The following AGBL4 variants were observed in gnomAD, a reference collection of about 807,000 sequenced individuals.
AGBL4 encodes cytosolic carboxypeptidase 6.
Under a neutral mutation model 66.4 loss-of-function variants are expected in AGBL4, and 58 were observed. The ratio of observed to expected loss-of-function variants is 0.87; its 90% CI spans 0.71 to 1.09. The LOEUF is 1.09. AGBL4 is among the 50% of genes least tolerant of loss of function. AGBL4 has a pLI of 0.00. For synonymous variants in AGBL4, 234 were observed against 222.9 expected (o/e 1.05, Z -0.44); for missense variants, 579 against 631.0 (o/e 0.92, Z 0.88).
intron 2 of AGBL4, among the ~76,000 whole-genome samples, chr1:49,764,610 A>G (rs1652600893): frequency 6.6e-6 from 1 of 151,990 alleles, no homozygotes; most frequent in African/African-American, 2.4e-5. Flanking sequence ...ACCCTATTCC[A>G]ACTCTTCTAG....
intron 3 of AGBL4, among the ~76,000 whole-genome samples, chr1:49,659,009 A>G (rs1292718771): frequency 6.6e-6 from 1 of 152,086 alleles, no homozygotes. Flanking sequence ...AAAGTATAAT[A>G]AAAAAATAAA....
At chr1:49,999,115 C>G (rs1227535336) in intron 1 of AGBL4, among the ~76,000 whole-genome samples, 1 of 151,908 alleles carries the variant, frequency 6.6e-6, no homozygotes, top group East Asian at 1.9e-4. Flanking sequence ...GAAAGGACGT[C>G]CAAATCAGTA....
intron 3 of AGBL4, among the ~76,000 whole-genome samples, chr1:49,622,991 A>T (rs1378873183): frequency 6.6e-6 from 1 of 152,162 alleles, no homozygotes; most frequent in East Asian, 1.9e-4. Context: ...TTCAGGTCAA[A>T]TACAGATTCG....
chr1:49,049,071 G>A (rs1474263066), intron 4 of AGBL4, among the ~76,000 whole-genome samples: 2 of 152,102 alleles, frequency 1.3e-5, no homozygotes, highest in East Asian at 3.9e-4. Context: ...ATGGCCTTGT[G>A]ATTCCAGCAT....
At chr1:49,076,444 G>GTA (rs1367321399) in intron 4 of AGBL4, among the ~76,000 whole-genome samples, 3 of 152,168 alleles carry the variant, frequency 2.0e-5, no homozygotes, top group African/African-American at 7.2e-5. Context: ...AGGCCCAATT[G>GTA]TATACATTCA....
At chr1:50,000,412 A>G (rs889362802) in intron 1 of AGBL4, among the ~76,000 whole-genome samples, 15 of 152,200 alleles carry the variant, frequency 9.9e-5, no homozygotes. Flanking sequence ...TCTAAAAATC[A>G]AAAAATAATA....
At chr1:49,939,740 T>C (rs1312392842) in intron 1 of AGBL4, among the ~76,000 whole-genome samples, 1 of 152,196 alleles carries the variant, frequency 6.6e-6, no homozygotes, top group Non-Finnish European at 1.5e-5. Flanking sequence ...CCTAAAACCA[T>C]GAATAACCTA....
At chr1:48,817,324 C>A (rs796921932) in intron 6 of AGBL4, among the ~76,000 whole-genome samples, 10 of 152,212 alleles carry the variant, frequency 6.6e-5, no homozygotes, top group African/African-American at 2.2e-4. Context: ...ATAGTGGATA[C>A]AAAGAACGTA....
chr1:48,956,121 G>A (rs1657428308), intron 5 of AGBL4, among the ~76,000 whole-genome samples: 1 of 152,154 alleles, frequency 6.6e-6, no homozygotes, highest in Admixed American at 6.6e-5. Flanking sequence ...TCTTGCTCTT[G>A]TCTTTCTGCT....
chr1:50,019,306 T>TCTCCCACACACA (rs1167835143), intron 1 of AGBL4, among the ~76,000 whole-genome samples: 1 of 48,402 alleles, frequency 2.1e-5, no homozygotes, highest in Non-Finnish European at 3.7e-5. Context: ...TCTCTCTCTC[T>TCTCCCACACACA]CACACACACA....
At chr1:49,118,141 A>G (rs1422398479) in intron 4 of AGBL4, among the ~76,000 whole-genome samples, 2 of 152,188 alleles carry the variant, frequency 1.3e-5, no homozygotes, top group Non-Finnish European at 2.9e-5. Context: ...TTTTCTAAAT[A>G]TATGATCATG....
At chr1:49,967,063 C>A (rs1352439855) in intron 1 of AGBL4, among the ~76,000 whole-genome samples, 1 of 152,040 alleles carries the variant, frequency 6.6e-6, no homozygotes, top group East Asian at 1.9e-4. Flanking sequence ...AGTTCTAGAT[C>A]CTTGAGGAAT....
chr1:49,427,666 G>A (rs1312129879), intron 3 of AGBL4, among the ~76,000 whole-genome samples: 6 of 152,210 alleles, frequency 3.9e-5, no homozygotes, highest in African/African-American at 1.4e-4. Context: ...CGCAGTGAAT[G>A]TTACAGCTCA....
intron 6 of AGBL4, among the ~76,000 whole-genome samples, chr1:48,771,797 G>T (rs1644849296): frequency 6.6e-6 from 1 of 152,178 alleles, no homozygotes; most frequent in Non-Finnish European, 1.5e-5. Context: ...ACAATGCCAA[G>T]CTGGGACCTG....
intron 5 of AGBL4, among the ~76,000 whole-genome samples, chr1:48,893,722 C>T (rs905992954): frequency 1.3e-4 from 13 of 102,238 alleles, no homozygotes; most frequent in Admixed American, 5.8e-4. Context: ...AAAAAAGACT[C>T]CAGAGAGCTG....
At chr1:48,808,024 T>A (rs1221426131) in intron 6 of AGBL4, among the ~76,000 whole-genome samples, 1 of 152,128 alleles carries the variant, frequency 6.6e-6, no homozygotes, top group Non-Finnish European at 1.5e-5. Context: ...ATATATTCGT[T>A]TAGGAGCAGC....
chr1:48,866,731 C>T (rs1648130729), intron 6 of AGBL4, among the ~76,000 whole-genome samples: 1 of 152,128 alleles, frequency 6.6e-6, no homozygotes, highest in African/African-American at 2.4e-5. Flanking sequence ...AAGTGAGAGA[C>T]AAAAGTTATC....
chr1:49,031,353 A>G (rs2149035710), intron 5 of AGBL4, among the ~76,000 whole-genome samples: 1 of 152,234 alleles, frequency 6.6e-6, no homozygotes, highest in Non-Finnish European at 1.5e-5. Context: ...AAGAAATGAT[A>G]ACTATGTGAG....
intron 1 of AGBL4, among the ~76,000 whole-genome samples, chr1:50,019,091 T>C (rs1257491987): frequency 1.3e-5 from 2 of 152,038 alleles, no homozygotes; most frequent in African/African-American, 2.4e-5. Context: ...TCACACCCCA[T>C]TGGGGGTATT....
Sources: allele counts gnomAD v4.1 joint callset (sites outside exome capture counted in the v4.1 genomes callset), GRCh38; gene constraint gnomAD v4.1.1; transcripts MANE v1.5; gene names NCBI Gene and HGNC (gene_info 2026-07-23, HGNC 2026-07-21).